The following MCUB variants were observed in gnomAD, a reference collection of about 807,000 sequenced individuals.
The protein encoded by MCUB is calcium uniporter regulatory subunit MCUb, mitochondrial.
A neutral mutation model predicts 41.4 loss-of-function variants in MCUB; 46 were observed. The ratio of observed to expected loss-of-function variants is 1.11; its 90% CI spans 0.88 to 1.42. The LOEUF is 1.42. Among genes scored for constraint, MCUB ranks in the 40% most tolerant of loss-of-function variants. MCUB has a pLI of 0.00. For synonymous variants in MCUB, 148 were observed against 148.2 expected, an observed-to-expected ratio of 1.00 and a Z score of 0.01; for missense variants, 403 against 404.9, an observed-to-expected ratio of 1.00 and a Z score of 0.04.
chr4:109,569,148 G>A (rs1402716950), intron 1 of MCUB, among the ~76,000 whole-genome samples: 3 of 150,906 alleles, frequency 2.0e-5, no homozygotes, highest in South Asian at 2.1e-4. Context: ...CCGGGTTCAC[G>A]CCATTCTCCT....
intron 1 of MCUB, among the ~76,000 whole-genome samples, chr4:109,654,255 C>G (rs1312648906): frequency 1.3e-5 from 2 of 152,144 alleles, no homozygotes; most frequent in African/African-American, 4.8e-5. Flanking sequence ...ATTCCTGTGG[C>G]CTGAGCCAGC....
rs74325873 is a variant in MCUB at position 109,629,495 on chromosome 4, A to T, written c.100-29516A>T. Among the ~76,000 whole-genome samples the T allele has an allele frequency of 1.1e-3, 169 of 152,270 alleles. 1 individual carries two copies. The East Asian group carries it at 0.027, about 25-fold the overall frequency. ...GCTGGGTATCCTCTAATTCAATTTG[A>T]TTCTGACACTGTATACCTGGAGATA... On this transcript the variant is annotated intron_variant, in intron 1 of 7. Transcript: ENST00000394650.
At chr4:109,686,086 C>G (rs1383543570) in intron 7 of MCUB, among the ~76,000 whole-genome samples, 1 of 152,170 alleles carries the variant, frequency 6.6e-6, no homozygotes, top group Non-Finnish European at 1.5e-5. Flanking sequence ...TTACTCATCC[C>G]TAGAATTTAA....
intron 1 of MCUB, among the ~76,000 whole-genome samples, chr4:109,565,749 T>G (rs1330417250): frequency 1.3e-5 from 2 of 151,908 alleles, no homozygotes; most frequent in Non-Finnish European, 2.9e-5. Flanking sequence ...ACTTCACAGA[T>G]AAAAACACTG....
intron 1 of MCUB, among the ~76,000 whole-genome samples, chr4:109,596,700 T>C (rs2126129664): frequency 6.6e-6 from 1 of 151,884 alleles, no homozygotes; most frequent in Non-Finnish European, 1.5e-5. Context: ...GACACAGATG[T>C]CTTTATTTAG....
chr4:109,613,864 C>T (rs574260713), intron 1 of MCUB, among the ~76,000 whole-genome samples: 1 of 152,236 alleles, frequency 6.6e-6, no homozygotes, highest in African/African-American at 2.4e-5. Context: ...TCCATTTTCC[C>T]CCAAAGGTAA....
Position 109,577,702 on chromosome 4 carries a change from C to T in MCUB, c.99+17266C>T, listed in dbSNP as rs1401582725. ...TCGGCTCACTGCAGGCTCCGCCCCC[C>T]GGGGTTCACGCCATTCTCCTGCCTC... On this transcript the variant is annotated intron_variant, in intron 1 of 7. Transcript: ENST00000394650. Among the ~76,000 whole-genome samples, 8 of 39,414 alleles carry T rather than the reference C, an allele frequency of 2.0e-4. 3 individuals are homozygous for T. Among genetic ancestry groups the T allele is most frequent in the African/African-American group, 6.7e-4 (8 of 11,944 alleles). The allele number at this position is 39,414 out of a possible 152,430, so 25.9% of individuals were successfully genotyped here.
intron 7 of MCUB, 26 bp from the exon 8 acceptor site, chr4:109,687,489 C>T: frequency 1.3e-6 from 2 of 1,538,162 alleles, no homozygotes; most frequent in African/African-American, 1.4e-5. Context: ...TTTCTGATCA[C>T]ATGCTTTTTC....
intron 1 of MCUB, among the ~76,000 whole-genome samples, chr4:109,587,764 C>G (rs537575599): frequency 2.5e-4 from 38 of 152,082 alleles, no homozygotes; most frequent in African/African-American, 6.8e-4. Flanking sequence ...AGATCAAAAC[C>G]TTAACTTTTT....
At chr4:109,687,066 T>C (rs896462475) in intron 7 of MCUB, among the ~76,000 whole-genome samples, 1 of 152,090 alleles carries the variant, frequency 6.6e-6, no homozygotes, top group Non-Finnish European at 1.5e-5. Flanking sequence ...ACTCATCTTT[T>C]AAAAAGATCC....
intron 1 of MCUB, among the ~76,000 whole-genome samples, chr4:109,650,747 A>G (rs1170643738): frequency 2.0e-5 from 3 of 152,206 alleles, no homozygotes; most frequent in South Asian, 2.1e-4. Flanking sequence ...AATTTTTCCA[A>G]TAATGTTCTT....
chr4:109,685,813 G>A (rs1729826021), intron 7 of MCUB, among the ~76,000 whole-genome samples: 1 of 152,108 alleles, frequency 6.6e-6, no homozygotes. Context: ...AAAAGTGAAG[G>A]AACCATGGTA....
rs1729896066 is a variant in MCUB, at chr4:109,688,192, A to G, written c.*600A>G. On this transcript the variant is annotated 3_prime_UTR_variant, in exon 8 of 8. Coordinates refer to ENST00000394650, the MANE Select transcript of MCUB (RefSeq NM_017918.5). ...AACCTGCAAATCACAAGTTTCAGGTATCGAAGCCAAAACAGTTAACTTTCT... is the reference window on the plus strand; with the variant it reads ...AACCTGCAAATCACAAGTTTCAGGTGTCGAAGCCAAAACAGTTAACTTTCT... The G allele has an allele frequency of 6.6e-6, 1 of 152,262 alleles. No homozygotes were observed. Among genetic ancestry groups the G allele is most frequent in the South Asian group, 2.1e-4 (1 of 4,830 alleles). 9.4% of individuals were successfully genotyped at this position (152,262 alleles called of 1,614,324 possible). A position where few individuals can be genotyped will look rare whatever the true frequency, so the allele number is the denominator to read the frequency against.
rs147996427 is a variant in MCUB at position 109,687,795 on chromosome 4, C to T, written c.*203C>T. 168 of 546,192 alleles carry T rather than the reference C, an allele frequency of 3.1e-4. No homozygotes were observed. Among genetic ancestry groups the T allele is most frequent in the Middle Eastern group, 9.6e-4 (2 of 2,074 alleles). 33.8% of individuals were successfully genotyped at this position (546,192 alleles called of 1,614,324 possible). ...GCTAATGTTAGAAAGGGCTTGTATG[C>T]GTCTATCAAAGCAACGGTGGCTGCT... is the stretch of plus-strand genomic sequence containing the variant. On this transcript the variant is annotated 3_prime_UTR_variant, in exon 8 of 8. Transcript: ENST00000394650.
At chr4:109,669,990 A>C (rs1484369529) in intron 4 of MCUB, among the ~76,000 whole-genome samples, 2 of 152,188 alleles carry the variant, frequency 1.3e-5, no homozygotes, top group Non-Finnish European at 2.9e-5. Flanking sequence ...TAGTCCGATA[A>C]TTCCAATGTT....
rs1449015125 is a variant in MCUB at position 109,612,830 on chromosome 4, G to T, written c.100-46181G>T. On this transcript the variant is annotated intron_variant, in intron 1 of 7. Coordinates refer to ENST00000394650, the MANE Select transcript of MCUB (RefSeq NM_017918.5). ...TAATAAGAATACAGGAATTAGGCCG[G>T]GTGCGGTGTCTCACGCCTGTAATCC... Among the ~76,000 whole-genome samples, 3 of 152,166 alleles carry T rather than the reference G, an allele frequency of 2.0e-5. No homozygotes were observed. The East Asian group carries it at 5.8e-4, about 29-fold the overall frequency.
chr4:109,667,359 A>G (rs1172508853), intron 4 of MCUB, among the ~76,000 whole-genome samples: 3 of 151,964 alleles, frequency 2.0e-5, no homozygotes, highest in African/African-American at 4.8e-5. Flanking sequence ...AGGTTATTGA[A>G]TTTGTGGGCA....
In MCUB at chr4:109,560,302, T is replaced by C; in HGVS notation, c.-36T>C. 1 of 1,093,976 alleles carries C rather than the reference T, an allele frequency of 9.1e-7. No individual in the cohort carries two copies. The highest frequency in any genetic ancestry group is 4.3e-5 in the Admixed American group (1 of 23,254). 67.8% of individuals were successfully genotyped at this position (1,093,976 alleles called of 1,614,324 possible). A position where few individuals can be genotyped will look rare whatever the true frequency, so the allele number is the denominator to read the frequency against. ...GCCCGGCTGAGGGAGGATGCGCCGC[T>C]GACGCCTGCGGGAGCCGCGCGCCTG... On this transcript the variant is annotated 5_prime_UTR_variant, in exon 1 of 8. It removes the in-frame stop codon of an upstream open reading frame in the 5' UTR. Transcript: ENST00000394650.
intron 4 of MCUB, among the ~76,000 whole-genome samples, chr4:109,677,458 T>G (rs1006512820): frequency 4.6e-5 from 7 of 152,154 alleles, no homozygotes; most frequent in Non-Finnish European, 1.0e-4. Context: ...GGACATGAAT[T>G]TGAGGGGCCG....
Sources: allele counts gnomAD v4.1 joint callset (sites outside exome capture counted in the v4.1 genomes callset), GRCh38; gene constraint gnomAD v4.1.1; transcripts MANE v1.5; gene names NCBI Gene and HGNC (gene_info 2026-07-23, HGNC 2026-07-21).